Variants in MALRD1 observed in about 807,000 individuals in gnomAD.
MALRD1 encodes the protein MAM and LDL receptor class A domain containing 1, also known as MAM and LDL-receptor class A domain-containing protein 1.
Under a neutral mutation model 242.1 loss-of-function variants are expected in MALRD1, and 247 were observed. That is an observed-to-expected ratio of 1.02 (90% confidence interval 0.92 to 1.13). The LOEUF (loss-of-function observed/expected upper bound fraction) is 1.13. Ranked by LOEUF, MALRD1 falls within the 50% of genes most tolerant of loss-of-function variation. The pLI is 0.00. For synonymous variants in MALRD1, 995 were observed against 866.6 expected (o/e 1.15, Z -2.60); for missense variants, 2,989 against 2,533.1 (o/e 1.18, Z -3.86).
chr10:19,274,294 A>G (rs1435023336), intron 19 of MALRD1, among the ~76,000 whole-genome samples: 1 of 152,182 alleles, frequency 6.6e-6, no homozygotes, highest in Admixed American at 6.5e-5. Flanking sequence ...ATGCAGCCTT[A>G]AGGGGGAAGG....
intron 6 of MALRD1, 87 bp from the exon 7 acceptor site, chr10:19,124,437 G>A (rs1045672853): frequency 8.9e-7 from 1 of 1,118,218 alleles, no homozygotes; most frequent in Non-Finnish European, 1.1e-6. Context: ...GTGTATATAA[G>A]CTTTTTGGTT....
At chr10:19,412,402 C>T (rs550244303) in intron 28 of MALRD1, among the ~76,000 whole-genome samples, 1 of 152,192 alleles carries the variant, frequency 6.6e-6, no homozygotes, top group South Asian at 2.1e-4. Context: ...CTGGAAAAAC[C>T]CCATCAACCA....
At chr10:19,297,309 C>G (rs1425393123) in intron 21 of MALRD1, among the ~76,000 whole-genome samples, 1 of 151,496 alleles carries the variant, frequency 6.6e-6, no homozygotes, top group Non-Finnish European at 1.5e-5. Flanking sequence ...ACTTTATGAA[C>G]TAATTTTCTC....
chr10:19,298,014 C>A (rs1205462017), intron 21 of MALRD1, among the ~76,000 whole-genome samples: 1 of 151,956 alleles, frequency 6.6e-6, no homozygotes, highest in African/African-American at 2.4e-5. Context: ...TTTTGTGTTG[C>A]TCTAAAGGAA....
intron 2 of MALRD1, among the ~76,000 whole-genome samples, chr10:19,083,647 A>C (rs145674753): frequency 6.6e-6 from 1 of 152,062 alleles, no homozygotes; most frequent in African/African-American, 2.4e-5. Flanking sequence ...CAAATAATAC[A>C]ATTGTTTGAG....
chr10:19,403,564 G>A (rs1410613632), intron 28 of MALRD1, among the ~76,000 whole-genome samples: 1 of 152,104 alleles, frequency 6.6e-6, no homozygotes, highest in Non-Finnish European at 1.5e-5. Context: ...CTGAGTGCTA[G>A]CAATTGAAGT....
chr10:19,491,291 C>T (rs1837482496), intron 29 of MALRD1: 6 of 715,724 alleles, frequency 8.4e-6, no homozygotes, highest in Non-Finnish European at 6.8e-6. Context: ...AGATTTTCAG[C>T]ACCATCAAAG....
intron 2 of MALRD1, among the ~76,000 whole-genome samples, chr10:19,074,390 A>G (rs1388379207): frequency 1.3e-5 from 2 of 152,050 alleles, no homozygotes; most frequent in East Asian, 3.9e-4. Flanking sequence ...AAATTCTTTC[A>G]TTGTTAAGCT....
Position 19,530,418 on chromosome 10 carries a change from A to AGTTAT in MALRD1, c.5321-776_5321-775insGTTAT, listed in dbSNP as rs1200557957. Among the ~76,000 whole-genome samples, 2 of 83,726 alleles carry AGTTAT rather than the reference A, an allele frequency of 2.4e-5. 1 individual carries two copies. Among genetic ancestry groups the AGTTAT allele is most frequent in the Non-Finnish European group, 4.1e-5 (2 of 48,216 alleles). The allele number at this position is 83,726 out of a possible 152,430, so 54.9% of individuals were successfully genotyped here. A position where few individuals can be genotyped will look rare whatever the true frequency, so the allele number is the denominator to read the frequency against. Reference sequence around the variant, plus strand: ...TATAAATATTATATATTTATATAATAATAAATATATAATATATATAATATA... The same window carrying AGTTAT: ...TATAAATATTATATATTTATATAATAGTTATATAAATATATAATATATATAATATA... On this transcript the variant is annotated intron_variant, in intron 31 of 39. Coordinates refer to ENST00000454679, the MANE Select transcript of MALRD1 (RefSeq NM_001142308.3).
At chr10:19,123,032 G>A (rs559558317) in intron 5 of MALRD1, among the ~76,000 whole-genome samples, 1 of 152,100 alleles carries the variant, frequency 6.6e-6, no homozygotes, top group Non-Finnish European at 1.5e-5. Context: ...CACCATGGCC[G>A]GCCAACAGGC....
chr10:19,420,225 G>A (rs1032677640), intron 28 of MALRD1, among the ~76,000 whole-genome samples: 7 of 152,052 alleles, frequency 4.6e-5, no homozygotes, highest in South Asian at 2.1e-4. Flanking sequence ...AGAGAATGAC[G>A]GGGTGAGTGG....
At chr10:19,725,019 T>C (rs1430497679) in intron 38 of MALRD1, 1 of 152,126 alleles carries the variant, frequency 6.6e-6, no homozygotes, top group East Asian at 1.9e-4. Flanking sequence ...ATTTAACCAA[T>C]GAGGTGAAAG....
intron 21 of MALRD1, among the ~76,000 whole-genome samples, chr10:19,318,974 T>C (rs925730700): frequency 1.0e-4 from 15 of 148,936 alleles, no homozygotes; most frequent in East Asian, 6.0e-4. Context: ...TACACAGACA[T>C]ACACACACAC....
chr10:19,204,599 T>C (rs1188480460), intron 16 of MALRD1, among the ~76,000 whole-genome samples, 186 bp downstream of exon 16: 2 of 152,104 alleles, frequency 1.3e-5, no homozygotes, highest in African/African-American at 4.8e-5. Flanking sequence ...TATGTTGTTT[T>C]CTTTCTTAAG....
intron 28 of MALRD1, among the ~76,000 whole-genome samples, chr10:19,391,190 T>C (rs1239484028): frequency 1.3e-5 from 2 of 152,174 alleles, no homozygotes; most frequent in Non-Finnish European, 2.9e-5. Context: ...TAGGGAAATT[T>C]AACAGCATTT....
chr10:19,623,176 T>G (rs1839481837), intron 36 of MALRD1, among the ~76,000 whole-genome samples: 1 of 152,074 alleles, frequency 6.6e-6, no homozygotes, highest in Admixed American at 6.6e-5. Context: ...TAACAACGTT[T>G]TTTAATGACA....
chr10:19,662,320 C>T (rs1841479284), intron 36 of MALRD1, among the ~76,000 whole-genome samples: 1 of 152,080 alleles, frequency 6.6e-6, no homozygotes, highest in South Asian at 2.1e-4. Context: ...TGAAAGTCTC[C>T]ACTGAGGCTC....
intron 26 of MALRD1, among the ~76,000 whole-genome samples, chr10:19,370,214 C>T (rs577207589): frequency 6.6e-6 from 1 of 152,128 alleles, no homozygotes; most frequent in African/African-American, 2.4e-5. Flanking sequence ...ATCTGTTTGC[C>T]TTATTTTACT....
chr10:19,209,964 C>T (rs1163315288), intron 18 of MALRD1, among the ~76,000 whole-genome samples: 1 of 152,070 alleles, frequency 6.6e-6, no homozygotes, highest in Non-Finnish European at 1.5e-5. Context: ...AAATGAACAA[C>T]CTGGAAGTGG....
Sources: gnomAD v4.1 joint callset for allele counts (sites outside exome capture counted in the v4.1 genomes callset) on GRCh38, gnomAD v4.1.1 for gene constraint, MANE v1.5 for transcripts, NCBI Gene and HGNC (gene_info 2026-07-23, HGNC 2026-07-21) for gene names.